CLPTM1: variants seen among roughly 807,000 people sequenced by gnomAD.
The protein encoded by CLPTM1 is putative lipid scramblase CLPTM1.
Under a neutral mutation model 77.3 loss-of-function variants are expected in CLPTM1, and 21 were observed. The observed-to-expected ratio is 0.27, with a 90% CI of 0.19 to 0.39. The LOEUF (loss-of-function observed/expected upper bound fraction) is 0.39, where lower values mean the gene tolerates loss of function less well. CLPTM1 is among the 10% of genes least tolerant of loss of function. The pLI, the probability that CLPTM1 is intolerant of heterozygous loss-of-function variation, is 1.00. For missense variants in CLPTM1, 642 were observed against 921.2 expected (o/e 0.70, Z 3.92); for synonymous variants, 373 against 381.0 (o/e 0.98, Z 0.24).
At chr19:44,964,728 C>T (rs1970600843) in intron 2 of CLPTM1, among the ~76,000 whole-genome samples, 1 of 152,218 alleles carries the variant, frequency 6.6e-6, no homozygotes, top group Non-Finnish European at 1.5e-5. Flanking sequence ...ATTCCATACC[C>T]ATCAGACACA....
At chr19:44,968,467 C>T (rs933556797) in intron 2 of CLPTM1, among the ~76,000 whole-genome samples, 1 of 152,060 alleles carries the variant, frequency 6.6e-6, no homozygotes, top group African/African-American at 2.4e-5. Context: ...CTGTAGAATA[C>T]CTATTTGGGT....
At position 44,987,193 on chromosome 19, in the gene CLPTM1, G is replaced by A. The variant is rs899497370; in HGVS notation, c.808G>A (p.Ala270Thr). The A allele has an allele frequency of 1.2e-5, 20 of 1,609,500 alleles. No individual in the cohort carries two copies. Among genetic ancestry groups the A allele is most frequent in the African/African-American group, 9.4e-5 (7 of 74,830 alleles). ...ACGTGCTGCAGATGTGAAGTTCGAC[G>A]CCGTGAGCGGTGACTACTATCCCAT... ...PPLDQYVKFDAVSGDYYPIIY... is the reference protein window; with the variant it reads ...PPLDQYVKFDTVSGDYYPIIY... The change falls in exon 8 of 14, where the codon GCC becomes ACC. Residue 270 changes from alanine to threonine, a missense_variant. Ala to Thr is a moderately conservative substitution (Grantham distance 58). This residue lies in a region of CLPTM1 where 521 missense variants were observed against 800.4 expected (regional missense o/e 0.65). Coordinates refer to ENST00000337392, the MANE Select transcript of CLPTM1 (RefSeq NM_001294.4).
In CLPTM1 at chr19:44,990,749, G is replaced by A; in HGVS notation, c.1324-101G>A. On this transcript the variant is annotated intron_variant, in intron 10 of 13. Coordinates refer to ENST00000337392, the MANE Select transcript of CLPTM1 (RefSeq NM_001294.4). The surrounding 1 kb of genome is among the most constrained non-coding windows in gnomAD (Gnocchi z 4.8). ...AGGGGATTTTTTGGGTCACACATGGGGCAGGGGAACTGGGAACGGTGGGGA... is the reference window on the plus strand; with the variant it reads ...AGGGGATTTTTTGGGTCACACATGGAGCAGGGGAACTGGGAACGGTGGGGA... The A allele has an allele frequency of 7.6e-7, 1 of 1,324,232 alleles. No individual in the cohort carries two copies. Among genetic ancestry groups the A allele is most frequent in the Non-Finnish European group, 1.1e-6 (1 of 933,312 alleles). 82.0% of individuals were successfully genotyped at this position (1,324,232 alleles called of 1,614,324 possible).
rs995829900 is a variant in CLPTM1 at position 44,988,831 on chromosome 19, C to T, written c.1132+658C>T. Reference sequence around the variant, plus strand: ...CACCCCAGTCTGAAGGAGTGGCCTGCGGCCCTGTAGCTCCCGCAGGCGGCA... The same window carrying T: ...CACCCCAGTCTGAAGGAGTGGCCTGTGGCCCTGTAGCTCCCGCAGGCGGCA... On this transcript the variant is annotated intron_variant, in intron 9 of 13. Transcript: ENST00000337392. Among the ~76,000 whole-genome samples, 98 of 152,212 alleles carry T rather than the reference C, an allele frequency of 6.4e-4. 6 individuals carry two copies. The highest frequency in any genetic ancestry group is 5.9e-5 in the Non-Finnish European group (4 of 68,040).
intron 5 of CLPTM1, among the ~76,000 whole-genome samples, chr19:44,978,433 T>A (rs1460415806): frequency 6.7e-6 from 1 of 149,418 alleles, no homozygotes; most frequent in Non-Finnish European, 1.5e-5. Context: ...ATAGATAAAA[T>A]TCAAAGAACA....
chr19:44,985,704 G>T (rs574102985), intron 6 of CLPTM1, among the ~76,000 whole-genome samples: 2 of 152,212 alleles, frequency 1.3e-5, no homozygotes, highest in Non-Finnish European at 2.9e-5. Context: ...GGAACTGCAG[G>T]ATTCATAGTT....
upstream of CLPTM1, chr19:44,954,911 G>T: frequency 7.0e-7 from 1 of 1,430,980 alleles, no homozygotes; most frequent in Non-Finnish European, 9.4e-7. Context: ...TGGGCAAAAG[G>T]CTAGTTCTTC....
At chr19:44,968,957 G>A (rs1970676745) in intron 2 of CLPTM1, among the ~76,000 whole-genome samples, 1 of 152,194 alleles carries the variant, frequency 6.6e-6, no homozygotes, top group South Asian at 2.1e-4. Context: ...AGGGCCTTGT[G>A]GCTTCTACAG....
rs775565145 is a variant in CLPTM1, at chr19:44,987,372, C to T, written c.987C>T (p.Phe329=). ...AAQSTKSPWN[F]LGDELYEQSD... ...AGAGCACCAAGTCGCCCTGGAACTT[C>T]CTGGGTGATGAGTTGTACGAGCAGT... is the stretch of plus-strand genomic sequence containing the variant. The change falls in exon 8 of 14, where the codon TTC becomes TTT. Residue 329 remains phenylalanine, a synonymous_variant. Transcript: ENST00000337392. 2.5e-6 allele frequency: 4 copies of T among 1,613,956 alleles called. No homozygotes were observed. The Admixed American group carries it at 6.7e-5, about 27-fold the overall frequency.
upstream of CLPTM1, chr19:44,954,725 C>G: frequency 1.6e-6 from 2 of 1,233,990 alleles, no homozygotes; most frequent in African/African-American, 3.0e-5. Context: ...AGGGAACGCG[C>G]ATGCGTGCTA....
upstream of CLPTM1, chr19:44,954,765 A>G (rs986966028): frequency 3.7e-6 from 5 of 1,347,742 alleles, no homozygotes; most frequent in African/African-American, 7.4e-5. Context: ...TTGGGGGTGT[A>G]TCATAGGGTC....
chr19:44,989,890 A>G (rs996830057), intron 9 of CLPTM1: 4 of 154,996 alleles, frequency 2.6e-5, no homozygotes, highest in Non-Finnish European at 5.7e-5. Flanking sequence ...TTTCCTGAGC[A>G]TGGCTGTGAG....
chr19:44,983,738 A>C (rs989176137), intron 5 of CLPTM1, among the ~76,000 whole-genome samples: 2 of 151,884 alleles, frequency 1.3e-5, no homozygotes, highest in African/African-American at 4.8e-5. Flanking sequence ...CAAGGTGGGC[A>C]GATCACGAGA....
chr19:44,968,191 G>A (rs1377903408), intron 2 of CLPTM1, among the ~76,000 whole-genome samples: 1 of 152,160 alleles, frequency 6.6e-6, no homozygotes, highest in East Asian at 1.9e-4. Context: ...ACATCAGTTC[G>A]GGTGGGTGCT....
chr19:44,967,638 C>T (rs968548817), intron 2 of CLPTM1, among the ~76,000 whole-genome samples: 1 of 141,152 alleles, frequency 7.1e-6, no homozygotes, highest in Non-Finnish European at 1.5e-5. Flanking sequence ...GCCTGGGCAA[C>T]AAGAGTGAAA....
chr19:44,988,134 A>G lies in CLPTM1; in HGVS notation c.1093A>G (p.Ile365Val), dbSNP rs747000562. Residue 365 changes from isoleucine (I) to valine (V), a missense_variant, in exon 9 of 14, where the codon ATC becomes GTC. Ile to Val is a conservative substitution (Grantham distance 29). This residue lies in a region of CLPTM1 where 521 missense variants were observed against 800.4 expected (regional missense o/e 0.65). Transcript: ENST00000337392. ...YLLALTIIVS[I>V]VHSVFEFLAF... Reference sequence around the variant, plus strand: ...GCTGGCGCTCACCATCATCGTGTCTATCGTTCACAGTGTCTTCGAGTTCCT... The same window carrying G: ...GCTGGCGCTCACCATCATCGTGTCTGTCGTTCACAGTGTCTTCGAGTTCCT... 111 of 1,613,938 alleles carry G rather than the reference A, an allele frequency of 6.9e-5. No homozygotes were observed. The highest frequency in any genetic ancestry group is 1.2e-4 in the Admixed American group (7 of 59,998).
intron 3 of CLPTM1, among the ~76,000 whole-genome samples, chr19:44,974,199 G>T (rs1019887591): frequency 1.4e-4 from 22 of 152,110 alleles, no homozygotes; most frequent in African/African-American, 5.3e-4. Flanking sequence ...ATTCTAATTG[G>T]CAGGCTGGCC....
At chr19:44,973,023 C>A in intron 2 of CLPTM1, 64 bp from the exon 3 acceptor site, 1 of 1,586,068 alleles carries the variant, frequency 6.3e-7, no homozygotes, top group South Asian at 1.1e-5. Flanking sequence ...AGAAGGAAGT[C>A]AGGCGGGTCT....
chr19:44,987,106 C>T, intron 7 of CLPTM1, 73 bp from the exon 8 acceptor site: 1 of 1,546,446 alleles, frequency 6.5e-7, no homozygotes. Context: ...TGGGTCTCTC[C>T]AGACATCTGA....
Sources: allele counts gnomAD v4.1 joint callset (sites outside exome capture counted in the v4.1 genomes callset), GRCh38; gene constraint gnomAD v4.1.1; regional missense constraint gnomAD v4.1.1; non-coding constraint Gnocchi (gnomAD v3.1); transcripts MANE v1.5; gene names NCBI Gene and HGNC (gene_info 2026-07-23, HGNC 2026-07-21).